The following CTBP2 variants were observed in gnomAD, a reference collection of about 807,000 sequenced individuals.
CTBP2 encodes the protein C-terminal binding protein 2, also known as C-terminal-binding protein 2.
A neutral mutation model predicts 80.3 loss-of-function variants in CTBP2; 30 were observed. The observed-to-expected ratio is 0.37, with a 90% CI of 0.28 to 0.51. The LOEUF (loss-of-function observed/expected upper bound fraction) is 0.51, where lower values mean the gene tolerates loss of function less well. Among genes scored for constraint, CTBP2 ranks in the 20% least tolerant of loss-of-function variants. The pLI, the probability that CTBP2 is intolerant of heterozygous loss-of-function variation, is 0.93. For synonymous variants in CTBP2, 594 were observed against 587.4 expected (o/e 1.01, Z -0.16); for missense variants, 1,212 against 1,375.3 (o/e 0.88, Z 1.88).
intron 1 of CTBP2, among the ~76,000 whole-genome samples, chr10:125,153,023 G>C (rs922702335): frequency 1.4e-4 from 22 of 152,354 alleles, no homozygotes; most frequent in Middle Eastern, 6.8e-3. Context: ...GCAGAGCCTT[G>C]GCTGGCACTG....
intron 1 of CTBP2, among the ~76,000 whole-genome samples, chr10:125,152,736 C>T (rs11245521): frequency 6.6e-6 from 1 of 152,064 alleles, no homozygotes; most frequent in South Asian, 2.1e-4. Context: ...CTGAAAGCCC[C>T]GAGATAAAGG....
chr10:125,152,985 T>C (rs1477130432), intron 1 of CTBP2, among the ~76,000 whole-genome samples: 1 of 152,240 alleles, frequency 6.6e-6, no homozygotes, highest in East Asian at 1.9e-4. Flanking sequence ...TCCCAAAGCC[T>C]GAGTCTCCAT....
intron 1 of CTBP2, among the ~76,000 whole-genome samples, chr10:125,129,372 G>C (rs1855782617): frequency 6.6e-6 from 1 of 152,054 alleles, no homozygotes; most frequent in Non-Finnish European, 1.5e-5. Context: ...CATTTCATTT[G>C]ACCTCATGCC....
chr10:125,060,431 T>C (rs542328156), intron 2 of CTBP2, among the ~76,000 whole-genome samples: 55 of 152,172 alleles, frequency 3.6e-4, no homozygotes, highest in African/African-American at 1.3e-3. Context: ...CATTTTTCCT[T>C]AACTACTGGT....
chr10:125,151,223 C>T (rs1239640173), intron 1 of CTBP2, among the ~76,000 whole-genome samples: 1 of 152,124 alleles, frequency 6.6e-6, no homozygotes, highest in Non-Finnish European at 1.5e-5. Context: ...ATGGAGAAGA[C>T]GAGGGCAAGA....
At chr10:125,014,686 A>G (rs1956294065) in intron 1 of CTBP2, among the ~76,000 whole-genome samples, 1 of 152,220 alleles carries the variant, frequency 6.6e-6, no homozygotes, top group East Asian at 1.9e-4. Flanking sequence ...CGGGAACACC[A>G]GCCCTCCAGA....
chr10:125,078,457 T>G (rs1846637334), intron 2 of CTBP2, among the ~76,000 whole-genome samples: 1 of 152,098 alleles, frequency 6.6e-6, no homozygotes, highest in Admixed American at 6.5e-5. Flanking sequence ...ACAAAGCCAC[T>G]TCGTCACCTC....
chr10:125,093,229 G>A (rs144433913), intron 2 of CTBP2, among the ~76,000 whole-genome samples: 1 of 152,308 alleles, frequency 6.6e-6, no homozygotes, highest in African/African-American at 2.4e-5. Context: ...GGAAAGTTAA[G>A]TTTTCTACTC....
At chr10:124,998,202 G>GA (rs753978141) in intron 3 of CTBP2, 32 bp from the exon 6 acceptor site, 9 of 1,573,614 alleles carry the variant, frequency 5.7e-6, no homozygotes, top group South Asian at 2.3e-5. Context: ...CCGGAGATGA[G>GA]AAAACCTCAA....
intron 1 of CTBP2, among the ~76,000 whole-genome samples, chr10:125,137,095 C>T (rs530142427): frequency 6.6e-6 from 1 of 152,336 alleles, no homozygotes; most frequent in African/African-American, 2.4e-5. Context: ...CTAAATTTCC[C>T]ATGTGGGTCC....
intron 2 of CTBP2, among the ~76,000 whole-genome samples, chr10:125,063,093 C>T (rs924222686): frequency 6.6e-5 from 10 of 152,312 alleles, no homozygotes; most frequent in East Asian, 1.9e-4. Flanking sequence ...TGCACAGCCT[C>T]GGCCAGCCTC....
chr10:125,046,014 C>A (rs1005870963), intron 2 of CTBP2, among the ~76,000 whole-genome samples: 2 of 152,176 alleles, frequency 1.3e-5, no homozygotes, highest in Admixed American at 1.3e-4. Flanking sequence ...GGGCTACAAT[C>A]CACTTCCCAC....
At chr10:125,149,602 A>G (rs953689610) in intron 1 of CTBP2, among the ~76,000 whole-genome samples, 18 of 152,254 alleles carry the variant, frequency 1.2e-4, no homozygotes, top group Admixed American at 1.0e-3. Flanking sequence ...CCAGAGCCCC[A>G]GCGGAAACCA....
intron 2 of CTBP2, among the ~76,000 whole-genome samples, chr10:125,059,269 A>T (rs1409936918): frequency 1.3e-5 from 2 of 152,142 alleles, no homozygotes; most frequent in African/African-American, 4.8e-5. Context: ...GGTAAGACAT[A>T]CGCAATTTCA....
intron 1 of CTBP2, among the ~76,000 whole-genome samples, chr10:125,022,048 C>G (rs1957095515): frequency 6.6e-6 from 1 of 152,240 alleles, no homozygotes; most frequent in Admixed American, 6.5e-5. Flanking sequence ...CAGGGAGTCT[C>G]AAAACACCAG....
At position 125,022,670 on chromosome 10, in the gene CTBP2, C is replaced by A. The variant is rs79854220; in HGVS notation, c.1678+3412G>T. On this transcript the variant is annotated intron_variant, in intron 1 of 8. Coordinates refer to ENST00000309035, the MANE Select transcript of CTBP2 (RefSeq NM_022802.3). ...TCCCTTACAACTCTCTCTGGCTGGA[C>A]TGCATGGCCAGCACACAGGAAGGGC... Among the ~76,000 whole-genome samples the A allele has an allele frequency of 2.6e-3, 390 of 152,352 alleles. 2 individuals are homozygous for A. The highest frequency in any genetic ancestry group is 9.0e-3 in the African/African-American group (374 of 41,582).
intron 1 of CTBP2, among the ~76,000 whole-genome samples, chr10:125,007,193 T>C (rs1188256871): frequency 6.6e-6 from 1 of 152,250 alleles, no homozygotes; most frequent in East Asian, 1.9e-4. Flanking sequence ...TGCCTTACTG[T>C]TGACAGCTTG....
chr10:125,037,410 C>T (rs187042181), intron 3 of CTBP2, among the ~76,000 whole-genome samples: 15 of 152,322 alleles, frequency 9.8e-5, no homozygotes, highest in Admixed American at 8.5e-4. Flanking sequence ...AGCTGAGTCA[C>T]GAGCGTGTTC....
intron 6 of CTBP2, 103 bp from the exon 9 acceptor site, chr10:124,993,432 T>G: frequency 1.6e-6 from 2 of 1,258,500 alleles, no homozygotes; most frequent in Non-Finnish European, 2.2e-6. Flanking sequence ...AGTAGCTACA[T>G]AGATAGCATG....
Sources: allele counts gnomAD v4.1 joint callset (sites outside exome capture counted in the v4.1 genomes callset), GRCh38; gene constraint gnomAD v4.1.1; transcripts MANE v1.5; gene names NCBI Gene and HGNC (gene_info 2026-07-23, HGNC 2026-07-21).